Variants in MVD observed in about 807,000 individuals in gnomAD.
The protein encoded by MVD is diphosphomevalonate decarboxylase.
In MVD, 52 loss-of-function variants were observed where a neutral mutation model predicts 42.4. The observed-to-expected ratio is 1.23, with a 90% CI of 0.98 to 1.55. MVD has a LOEUF of 1.55. MVD is among the 40% of genes most tolerant of loss of function. The probability of loss-of-function intolerance (pLI) is 0.00; values close to 1 mark genes in which losing one functional copy is unlikely to be tolerated. For synonymous variants in MVD, 287 were observed against 243.2 expected (o/e 1.18, Z -1.68); for missense variants, 663 against 572.1 (o/e 1.16, Z -1.62).
chr16:88,653,109 G>A (rs1304802782), intron 9 of MVD, among the ~76,000 whole-genome samples, 191 bp downstream of exon 9: 2 of 152,200 alleles, frequency 1.3e-5, no homozygotes, highest in Admixed American at 1.3e-4. Context: ...CAGCCCTGCT[G>A]CTCTGAGCAT....
At chr16:88,653,272 G>A (rs148482557) in intron 9 of MVD, 28 bp downstream of exon 9, 281 of 1,571,668 alleles carry the variant, frequency 1.8e-4, no homozygotes, top group Admixed American at 4.2e-4. Flanking sequence ...AGGAAACCCC[G>A]GGGTACTGGG....
chr16:88,655,009 G>A (rs956982281), intron 7 of MVD, 190 bp downstream of exon 7: 37 of 890,424 alleles, frequency 4.2e-5, no homozygotes, highest in Middle Eastern at 3.4e-4. Context: ...GTGGGGCCGT[G>A]ACCCGGGCAA....
At position 88,661,274 on chromosome 16, in the gene MVD, ACTT is replaced by A. The variant is rs1009040359; in HGVS notation, c.70+1734_70+1736del. On this transcript the variant is annotated intron_variant, in intron 1 of 9. Coordinates refer to ENST00000301012, the MANE Select transcript of MVD (RefSeq NM_002461.3). ...CTTGACATCAACATTGATACACTGA[ACTT>A]CTTTAAAATGAAAAACTGGCTCTTT... Among the ~76,000 whole-genome samples, 10 of 152,338 alleles carry A rather than the reference ACTT, an allele frequency of 6.6e-5. No homozygotes were observed. The East Asian group carries it at 1.5e-3, about 23-fold the overall frequency.
intron 4 of MVD, chr16:88,657,102 G>C (rs1016021323): frequency 2.1e-6 from 1 of 482,346 alleles, no homozygotes; most frequent in Non-Finnish European, 3.9e-6. Flanking sequence ...ATACAGCAAC[G>C]GGAAGATTTT....
At chr16:88,652,968 G>A (rs1031965858) in intron 9 of MVD, among the ~76,000 whole-genome samples, 8 of 152,090 alleles carry the variant, frequency 5.3e-5, no homozygotes, top group African/African-American at 1.7e-4. Flanking sequence ...CCGGTCTGCT[G>A]GGGTGGTTGG....
intron 1 of MVD, 180 bp from the exon 2 acceptor site, chr16:88,658,900 C>A (rs550069032): frequency 7.5e-5 from 46 of 609,982 alleles, no homozygotes; most frequent in South Asian, 7.2e-4. Flanking sequence ...GCTCCCACCC[C>A]ACTGAGCTCA....
intron 1 of MVD, chr16:88,659,026 G>A (rs1908123846): frequency 5.0e-6 from 2 of 397,438 alleles, no homozygotes; most frequent in Admixed American, 7.2e-5. Context: ...ACCGCGGCCT[G>A]CCTCCCCTCC....
At chr16:88,662,693 C>T (rs983753043) in intron 1 of MVD, 62 of 1,363,772 alleles carry the variant, frequency 4.5e-5, no homozygotes, top group Non-Finnish European at 5.7e-5. Context: ...AAACGCGCAC[C>T]ACCACGGCGG....
chr16:88,655,451 T>A, intron 6 of MVD, 34 bp from the exon 7 acceptor site: 4 of 1,542,746 alleles, frequency 2.6e-6, no homozygotes, highest in Non-Finnish European at 3.5e-6. Context: ...ATGGAGCCGC[T>A]GGGGGTCTCG....
In MVD at chr16:88,657,432, C is replaced by T. The variant is rs774232285; in HGVS notation, c.403+4G>A. 74 of 1,597,460 alleles carry T rather than the reference C, an allele frequency of 4.6e-5. No individual in the cohort carries two copies. In the South Asian group the frequency reaches 7.9e-4, roughly 17 times the overall value. On this transcript the variant is annotated splice_donor_region_variant and intron_variant, in intron 4 of 9. Transcript: ENST00000301012. ...AACCCCTGCGGGTCTCTGTGGGCACCCACCTAGGCAGGCATAGCCCGCCGC... is the reference window on the plus strand; with the variant it reads ...AACCCCTGCGGGTCTCTGTGGGCACTCACCTAGGCAGGCATAGCCCGCCGC...
intron 9 of MVD, 66 bp downstream of exon 9, chr16:88,653,234 G>A: frequency 7.4e-7 from 1 of 1,344,284 alleles, no homozygotes; most frequent in Non-Finnish European, 1.0e-6. Flanking sequence ...AAGGGCCCTG[G>A]GGGCTGGGCG....
intron 8 of MVD, among the ~76,000 whole-genome samples, chr16:88,654,394 G>C (rs1907773309): frequency 6.6e-6 from 1 of 152,226 alleles, no homozygotes; most frequent in Non-Finnish European, 1.5e-5. Flanking sequence ...CTAAGCCACT[G>C]TTCTATAGAA....
At chr16:88,657,087 T>C in intron 4 of MVD, 1 of 442,154 alleles carries the variant, frequency 2.3e-6, no homozygotes, top group Non-Finnish European at 4.3e-6. Context: ...CTAGAGGGGC[T>C]CCACATACAG....
intron 2 of MVD, among the ~76,000 whole-genome samples, 172 bp from the exon 3 acceptor site, chr16:88,658,201 G>A (rs1397102348): frequency 6.6e-6 from 1 of 152,214 alleles, no homozygotes; most frequent in African/African-American, 2.4e-5. Context: ...GCCCGTGGGG[G>A]ATGAAAGCGT....
chr16:88,662,844 C>T, intron 1 of MVD, 167 bp downstream of exon 1: 1 of 1,437,432 alleles, frequency 7.0e-7, no homozygotes, highest in Non-Finnish European at 9.1e-7. Flanking sequence ...CGAAGGAGCG[C>T]GCGGCCCCGC....
rs1287540216 is a variant in MVD, at chr16:88,652,473, C to G, written c.*52G>C. On this transcript the variant is annotated 3_prime_UTR_variant, in exon 10 of 10. Transcript: ENST00000301012. ...CCAGCCCACCACATCCGCTCCCTAG[C>G]TCCGGCGAGGCCACCCCTTCTCCAA... is the stretch of plus-strand genomic sequence containing the variant. The G allele has an allele frequency of 2.3e-5, 36 of 1,540,286 alleles. No individual in the cohort carries two copies. The highest frequency in any genetic ancestry group is 3.2e-5 in the Non-Finnish European group (36 of 1,138,256).
intron 1 of MVD, among the ~76,000 whole-genome samples, chr16:88,660,157 A>G (rs944774000): frequency 6.6e-6 from 1 of 152,020 alleles, no homozygotes; most frequent in African/African-American, 2.4e-5. Flanking sequence ...GAGGCCAAGC[A>G]GACACTCAGG....
At chr16:88,661,917 TAC>T (rs1222892163) in intron 1 of MVD, among the ~76,000 whole-genome samples, 6 of 122,756 alleles carry the variant, frequency 4.9e-5, no homozygotes, top group Non-Finnish European at 9.7e-5. Context: ...TGTATACATA[TAC>T]ACACACATAT....
chr16:88,657,508 G>A lies in MVD; in HGVS notation c.331C>T (p.His111Tyr). Residue 111 changes from histidine (H) to tyrosine (Y), a missense_variant, in exon 4 of 10, where the codon CAC (histidine) becomes TAC (tyrosine). Transcript: ENST00000301012. ...PLPSSLSCKV[H>Y]VASVNNFPTA... The stretch of plus-strand genomic sequence containing the variant: ...GGGAAGTTGTTCACCGATGCCACGT[G>A]CACCTTGCAGCTGAGGCTGGAGGGC... 6.2e-7 allele frequency: 1 copy of A among 1,612,794 alleles called. No individual in the cohort carries two copies. Among genetic ancestry groups the A allele is most frequent in the Non-Finnish European group, 8.5e-7 (1 of 1,179,906 alleles).
Sources: gnomAD v4.1 joint callset for allele counts (sites outside exome capture counted in the v4.1 genomes callset) on GRCh38, gnomAD v4.1.1 for gene constraint, MANE v1.5 for transcripts, NCBI Gene and HGNC (gene_info 2026-07-23, HGNC 2026-07-21) for gene names.